Variants in THSD7B observed in about 807,000 individuals in gnomAD.
The protein encoded by THSD7B is thrombospondin type 1 domain containing 7B.
A neutral mutation model predicts 213.6 loss-of-function variants in THSD7B; 138 were observed. The ratio of observed to expected loss-of-function variants is 0.65; its 90% confidence interval spans 0.56 to 0.74. The LOEUF is 0.74. Ranked by LOEUF, THSD7B falls within the 30% of genes least tolerant of loss-of-function variation. The pLI is 0.00. For missense variants in THSD7B, 1,931 were observed against 1,991.5 expected, an observed-to-expected ratio of 0.97 and a Z score of 0.58; for synonymous variants, 742 against 687.0, an observed-to-expected ratio of 1.08 and a Z score of -1.25.
chr2:137,084,540 A>T (rs1687803193), intron 3 of THSD7B, among the ~76,000 whole-genome samples: 1 of 152,164 alleles, frequency 6.6e-6, no homozygotes, highest in Non-Finnish European at 1.5e-5. Flanking sequence ...TTTGCAGTAT[A>T]TTTGAGCCAT....
intron 1 of THSD7B, among the ~76,000 whole-genome samples, chr2:136,799,965 C>G (rs956103765): frequency 1.3e-5 from 2 of 151,834 alleles, no homozygotes; most frequent in African/African-American, 4.8e-5. Context: ...CCTGGTACTA[C>G]AGTAATTGAA....
intron 14 of THSD7B, among the ~76,000 whole-genome samples, chr2:137,435,392 A>C (rs1687271003): frequency 6.6e-6 from 1 of 152,256 alleles, no homozygotes; most frequent in East Asian, 1.9e-4. Flanking sequence ...TATTGGAAGC[A>C]ATTAAAATAT....
At chr2:137,028,752 G>A (rs1686602322) in intron 2 of THSD7B, among the ~76,000 whole-genome samples, 1 of 152,190 alleles carries the variant, frequency 6.6e-6, no homozygotes, top group African/African-American at 2.4e-5. Context: ...ATGGGATGCT[G>A]GAGGTTTCCC....
At chr2:137,092,133 T>C (rs1338310582) in intron 3 of THSD7B, among the ~76,000 whole-genome samples, 2 of 152,116 alleles carry the variant, frequency 1.3e-5, no homozygotes, top group African/African-American at 2.4e-5. Context: ...AATAAAATAT[T>C]GAGGCTGGGC....
intron 1 of THSD7B, among the ~76,000 whole-genome samples, chr2:136,792,856 C>T (rs976055098): frequency 2.0e-5 from 3 of 151,978 alleles, no homozygotes; most frequent in African/African-American, 7.2e-5. Context: ...TGTTTTGTGT[C>T]AGACTTCTTT....
At chr2:136,861,282 A>G (rs1277799983) in intron 1 of THSD7B, among the ~76,000 whole-genome samples, 1 of 152,224 alleles carries the variant, frequency 6.6e-6, no homozygotes, top group Non-Finnish European at 1.5e-5. Context: ...GCCTTCTATA[A>G]TGATTTCTCC....
intron 3 of THSD7B, among the ~76,000 whole-genome samples, chr2:137,078,850 C>T (rs1039711452): frequency 6.6e-6 from 1 of 151,862 alleles, no homozygotes; most frequent in Non-Finnish European, 1.5e-5. Context: ...TTGTATTGCT[C>T]CTTTTACTCA....
At chr2:137,120,645 G>A (rs1331202923) in intron 5 of THSD7B, among the ~76,000 whole-genome samples, 1 of 152,146 alleles carries the variant, frequency 6.6e-6, no homozygotes, top group South Asian at 2.1e-4. Flanking sequence ...CACTAAGGTA[G>A]AGTTTAGGAC....
At chr2:137,568,966 G>C (rs1250002529) in intron 16 of THSD7B, among the ~76,000 whole-genome samples, 2 of 152,180 alleles carry the variant, frequency 1.3e-5, no homozygotes, top group African/African-American at 2.4e-5. Flanking sequence ...TTTGGCAAAA[G>C]GGACTTGGCA....
At chr2:137,303,976 A>G (rs1266697727) in intron 12 of THSD7B, among the ~76,000 whole-genome samples, 1 of 149,940 alleles carries the variant, frequency 6.7e-6, no homozygotes, top group Non-Finnish European at 1.5e-5. Context: ...ACCCCCTGAC[A>G]GGCCCTAGTG....
chr2:137,479,866 A>G (rs1299813052), intron 15 of THSD7B, among the ~76,000 whole-genome samples: 1 of 152,182 alleles, frequency 6.6e-6, no homozygotes, highest in Non-Finnish European at 1.5e-5. Flanking sequence ...TGTGGGACTC[A>G]GCATGAGCTC....
intron 15 of THSD7B, among the ~76,000 whole-genome samples, chr2:137,482,709 C>T (rs546674832): frequency 6.6e-6 from 1 of 151,674 alleles, no homozygotes; most frequent in East Asian, 1.9e-4. Flanking sequence ...CTTGGAGCCA[C>T]CATTTAGGGT....
intron 12 of THSD7B, among the ~76,000 whole-genome samples, chr2:137,353,344 G>A (rs920753746): frequency 1.3e-5 from 2 of 152,062 alleles, no homozygotes; most frequent in Admixed American, 6.6e-5. Flanking sequence ...ATTAGATTCT[G>A]AATGATTGTT....
intron 5 of THSD7B, among the ~76,000 whole-genome samples, chr2:137,151,349 A>G (rs757675847): frequency 2.6e-5 from 4 of 152,094 alleles, no homozygotes; most frequent in Middle Eastern, 3.4e-3. Context: ...CTTCTTTGTT[A>G]AAAACTAAGA....
intron 15 of THSD7B, among the ~76,000 whole-genome samples, chr2:137,461,956 G>T (rs1282934709): frequency 1.3e-5 from 2 of 152,120 alleles, no homozygotes; most frequent in African/African-American, 2.4e-5. Context: ...AATTAAACTT[G>T]TCTTTCAACT....
At chr2:137,285,326 C>T (rs1261183245) in intron 12 of THSD7B, among the ~76,000 whole-genome samples, 1 of 152,136 alleles carries the variant, frequency 6.6e-6, no homozygotes, top group Admixed American at 6.5e-5. Context: ...CTGAATATAG[C>T]ACACGGATGG....
At chr2:136,774,925 ATTTG>A (rs1327297335) in intron 1 of THSD7B, among the ~76,000 whole-genome samples, 1 of 152,086 alleles carries the variant, frequency 6.6e-6, no homozygotes, top group Admixed American at 6.6e-5. Context: ...TCCAAGATGC[ATTTG>A]TTTGTAAGCT....
chr2:137,492,554 G>T (rs530219988), intron 15 of THSD7B, among the ~76,000 whole-genome samples: 1 of 152,278 alleles, frequency 6.6e-6, no homozygotes, highest in East Asian at 1.9e-4. Flanking sequence ...GTAATTCAAG[G>T]TTAGTAAAGA....
At position 137,618,439 on chromosome 2, in the gene THSD7B, G is replaced by A. The variant is rs377484305; in HGVS notation, c.3613G>A (p.Val1205Ile). 41 of 1,613,866 alleles carry A rather than the reference G, an allele frequency of 2.5e-5. No homozygotes were observed. The highest frequency in any genetic ancestry group is 8.9e-5 in the East Asian group (4 of 44,872). Reference sequence around the variant, plus strand: ...TGAAAACGCACCCTGTGGTCAAGGCGTCAGGACCCGCCTGCTAAGCTGTGT... The same window carrying A: ...TGAAAACGCACCCTGTGGTCAAGGCATCAGGACCCGCCTGCTAAGCTGTGT... ...LSENAPCGQG[V>I]RTRLLSCVCS... The change falls in exon 19 of 28, where the codon GTC becomes ATC. Residue 1205 changes from valine (V) to isoleucine (I), a missense_variant. Transcript: ENST00000409968.
Sources: gnomAD v4.1 joint callset for allele counts (sites outside exome capture counted in the v4.1 genomes callset) on GRCh38, gnomAD v4.1.1 for gene constraint, MANE v1.5 for transcripts, NCBI Gene and HGNC (gene_info 2026-07-23, HGNC 2026-07-21) for gene names.